MAP2K2: variants seen among roughly 807,000 people sequenced by gnomAD.
MAP2K2 encodes the protein mitogen-activated protein kinase kinase 2, also known as dual specificity mitogen-activated protein kinase kinase 2.
MAP2K2 carries 24 observed loss-of-function variants against 43.7 expected under a neutral mutation model. The ratio of observed to expected loss-of-function variants is 0.55; its 90% CI spans 0.40 to 0.77. The LOEUF is 0.77. Among genes scored for constraint, MAP2K2 ranks in the 30% least tolerant of loss-of-function variants. MAP2K2 has a pLI of 0.00. For missense variants in MAP2K2, 470 were observed against 566.8 expected (o/e 0.83, Z 1.73); for synonymous variants, 244 against 239.7 (o/e 1.02, Z -0.17).
chr19:4,112,599 C>T (rs1039514620), intron 2 of MAP2K2, among the ~76,000 whole-genome samples: 4 of 152,144 alleles, frequency 2.6e-5, no homozygotes, highest in African/African-American at 4.8e-5. Context: ...CACCTCCCCC[C>T]GCCCGGCCGC....
intron 2 of MAP2K2, among the ~76,000 whole-genome samples, chr19:4,116,846 T>C (rs1284937385): frequency 1.3e-5 from 2 of 151,974 alleles, no homozygotes; most frequent in African/African-American, 2.4e-5. Context: ...AAGAGAATCC[T>C]TGAACCCAGG....
rs1003056983 is a variant in MAP2K2, at chr19:4,115,060, G to A, written c.303+2359C>T. ...TGCATCCTCTCCCACCCGAGTTTTC[G>A]GGCACTTTAAAGAAAACCTAATTTT... On this transcript the variant is annotated intron_variant, in intron 2 of 10. Coordinates refer to ENST00000262948, the MANE Select transcript of MAP2K2 (RefSeq NM_030662.4). The surrounding 1 kb of genome is among the most constrained non-coding windows in gnomAD (Gnocchi z 4.1). Among the ~76,000 whole-genome samples, 1 of 152,112 alleles carries A rather than the reference G, an allele frequency of 6.6e-6. No individual in the cohort carries two copies. Among genetic ancestry groups the A allele is most frequent in the Non-Finnish European group, 1.5e-5 (1 of 68,024 alleles).
intron 3 of MAP2K2, chr19:4,102,679 C>T (rs1445853125): frequency 1.3e-5 from 14 of 1,088,058 alleles, no homozygotes; most frequent in East Asian, 2.7e-5. Flanking sequence ...AGGGTTCCCC[C>T]GCCTCCCGTC....
In MAP2K2 at chr19:4,110,616, T is replaced by C. The variant is rs1398362502; in HGVS notation, c.343A>G (p.Ile115Val). The change falls in exon 3 of 11, where the codon ATC (isoleucine) becomes GTC (valine). Residue 115 changes from isoleucine to valine, a missense_variant. By Grantham distance (29) the Ile-to-Val change is conservative. Coordinates refer to ENST00000262948, the MANE Select transcript of MAP2K2 (RefSeq NM_030662.4). The part of the protein sequence containing the change: ...LEIKPAIRNQ[I>V]IRELQVLHEC... ...TGCAGGACCTGCAGCTCGCGGATGATCTGGTTCCGGATGGCCGGCTTGATC... is the reference window on the plus strand; with the variant it reads ...TGCAGGACCTGCAGCTCGCGGATGACCTGGTTCCGGATGGCCGGCTTGATC... 7.4e-6 allele frequency: 12 copies of C among 1,613,712 alleles called. No individual in the cohort carries two copies.
chr19:4,097,228 AGAAAGAAGAAAG>A, intron 8 of MAP2K2, 39 bp downstream of exon 8: 1 of 1,131,908 alleles, frequency 8.8e-7, no homozygotes, highest in Non-Finnish European at 1.3e-6. Context: ...AAAAAAAAAA[AGAAAGAAGAAAG>A]AAAAGGAAAA....
At chr19:4,092,944 C>G (rs1291460754) in intron 10 of MAP2K2, among the ~76,000 whole-genome samples, 1 of 152,182 alleles carries the variant, frequency 6.6e-6, no homozygotes, top group African/African-American at 2.4e-5. Flanking sequence ...CACGGTGGCT[C>G]ACGCCTGTAA....
At position 4,095,598 on chromosome 19, in the gene MAP2K2, G is replaced by T. The variant is rs370048971; in HGVS notation, c.985-149C>A. 80 of 600,748 alleles carry T rather than the reference G, an allele frequency of 1.3e-4. 1 individual carries two copies. The South Asian group carries it at 1.7e-3, about 13-fold the overall frequency. 37.2% of individuals were successfully genotyped at this position (600,748 alleles called of 1,614,324 possible). On this transcript the variant is annotated intron_variant, in intron 8 of 10. Transcript: ENST00000262948. ...GCCAACTGGGCTGCACCCTGTCAGA[G>T]GTGGCCTTCTCCCGAAAGCTCTCGT...
In MAP2K2 at chr19:4,119,913, G is replaced by T. The variant is rs977250518; in HGVS notation, c.93-2284C>A. On this transcript the variant is annotated intron_variant, in intron 1 of 10. Transcript: ENST00000262948. The stretch of plus-strand genomic sequence containing the variant: ...TTCGACCACTGTTCGCCTACAGCTG[G>T]AAGTGGCGTAAGCCACGGGGCACAC... Among the ~76,000 whole-genome samples, 14 of 152,384 alleles carry T rather than the reference G, an allele frequency of 9.2e-5. 1 individual carries two copies. The highest frequency in any genetic ancestry group is 2.6e-4 in the Admixed American group (4 of 15,306).
chr19:4,091,219 G>A (rs916062782), intron 10 of MAP2K2, among the ~76,000 whole-genome samples: 2 of 152,232 alleles, frequency 1.3e-5, no homozygotes, highest in African/African-American at 4.8e-5. Flanking sequence ...AGAACTCCGC[G>A]AAGAGCATTG....
At chr19:4,106,053 G>A (rs1481840460) in intron 3 of MAP2K2, among the ~76,000 whole-genome samples, 4 of 152,136 alleles carry the variant, frequency 2.6e-5, no homozygotes, top group African/African-American at 4.8e-5. Context: ...CTGCAGCCTC[G>A]ACCTACTGGG....
chr19:4,117,476 G>A lies in MAP2K2; in HGVS notation c.246C>T (p.Asn82=), dbSNP rs150942310. The change falls in exon 2 of 11, where the codon AAC becomes AAT. Residue 82 remains asparagine, a synonymous_variant. Transcript: ENST00000262948. Reference sequence around the variant, plus strand: ...GCTGGACTTTGGTGACCACCCCGCCGTTGCCCGCGCCCAGCTCTGAGATCC... The same window carrying A: ...GCTGGACTTTGGTGACCACCCCGCCATTGCCCGCGCCCAGCTCTGAGATCC... The part of the protein sequence containing the change: ...FERISELGAG[N]GGVVTKVQHR... 98 of 1,613,980 alleles carry A rather than the reference G, an allele frequency of 6.1e-5. No individual in the cohort carries two copies. The highest frequency in any genetic ancestry group is 1.7e-4 in the Admixed American group (10 of 60,004).
chr19:4,121,876 C>CTCTCCCCCACA (rs2041301057), intron 1 of MAP2K2, among the ~76,000 whole-genome samples: 1 of 94,466 alleles, frequency 1.1e-5, no homozygotes, highest in Admixed American at 1.0e-4. Flanking sequence ...CCCACCCCAT[C>CTCTCCCCCACA]GTGACCCCCT....
chr19:4,117,085 C>T (rs531415584), intron 2 of MAP2K2, among the ~76,000 whole-genome samples: 20 of 152,350 alleles, frequency 1.3e-4, no homozygotes, highest in South Asian at 1.0e-3. Context: ...ACACACGCTT[C>T]GTCTTCATCG....
chr19:4,106,231 C>T (rs2041083600), intron 3 of MAP2K2, among the ~76,000 whole-genome samples: 1 of 151,874 alleles, frequency 6.6e-6, no homozygotes, highest in Non-Finnish European at 1.5e-5. Flanking sequence ...TATGGAGAGA[C>T]CCTATCTCTA....
At chr19:4,112,778 C>T (rs954314009) in intron 2 of MAP2K2, among the ~76,000 whole-genome samples, 2 of 152,212 alleles carry the variant, frequency 1.3e-5, no homozygotes, top group African/African-American at 2.4e-5. Context: ...GGTGACCCCA[C>T]AGGCCCCAGG....
intron 8 of MAP2K2, among the ~76,000 whole-genome samples, chr19:4,096,684 C>T (rs765865594): frequency 2.6e-5 from 4 of 152,194 alleles, no homozygotes; most frequent in Non-Finnish European, 5.9e-5. Context: ...TACCTTTCTC[C>T]GTGGAAGCGG....
chr19:4,108,608 C>T (rs1599298366), intron 3 of MAP2K2, among the ~76,000 whole-genome samples: 1 of 152,106 alleles, frequency 6.6e-6, no homozygotes, highest in East Asian at 1.9e-4. Context: ...GCCTGTGTCT[C>T]CCTCCTGCAG....
At chr19:4,107,801 A>G (rs2041103976) in intron 3 of MAP2K2, among the ~76,000 whole-genome samples, 1 of 152,228 alleles carries the variant, frequency 6.6e-6, no homozygotes, top group South Asian at 2.1e-4. Flanking sequence ...AAATGGCTGC[A>G]GCAGCCAGGA....
chr19:4,111,987 C>CAAAAA (rs201773373), intron 2 of MAP2K2, among the ~76,000 whole-genome samples: 1 of 151,600 alleles, frequency 6.6e-6, no homozygotes, highest in African/African-American at 2.4e-5. Flanking sequence ...ACAACAACAA[C>CAAAAA]AACAACAACA....
Sources: allele counts gnomAD v4.1 joint callset (sites outside exome capture counted in the v4.1 genomes callset), GRCh38; gene constraint gnomAD v4.1.1; non-coding constraint Gnocchi (gnomAD v3.1); transcripts MANE v1.5; gene names NCBI Gene and HGNC (gene_info 2026-07-23, HGNC 2026-07-21).